Variants in TMEM131L observed in about 807,000 individuals in gnomAD.
TMEM131L encodes transmembrane 131 like, also known as transmembrane protein 131-like.
In TMEM131L, 54 loss-of-function variants were observed where a neutral mutation model predicts 192.2. That is an observed-to-expected ratio of 0.28 (90% confidence interval 0.23 to 0.35). TMEM131L has a LOEUF of 0.35. Ranked by LOEUF, TMEM131L falls within the 10% of genes least tolerant of loss-of-function variation. TMEM131L has a pLI of 1.00. For synonymous variants in TMEM131L, 701 were observed against 704.9 expected (o/e 0.99, Z 0.09); for missense variants, 1,888 against 1,972.9 (o/e 0.96, Z 0.82).
chr4:153,591,661 C>G (rs1371566502), intron 17 of TMEM131L, among the ~76,000 whole-genome samples: 1 of 152,200 alleles, frequency 6.6e-6, no homozygotes, highest in African/African-American at 2.4e-5. Flanking sequence ...GTGCCTCCAG[C>G]AGACTTCCAT....
intron 3 of TMEM131L, among the ~76,000 whole-genome samples, chr4:153,482,625 T>C (rs191716506): frequency 7.5e-4 from 114 of 152,350 alleles, no homozygotes; most frequent in Middle Eastern, 3.4e-3. Context: ...AGGGTTTTGC[T>C]CTGTTGCCCA....
chr4:153,585,558 A>C lies in TMEM131L; in HGVS notation c.1258A>C (p.Ser420Arg), dbSNP rs1730645970. ...SIWYRNHFDR[S>R]VVLNDVFLSK... The stretch of plus-strand genomic sequence containing the variant: ...ATGGTACCGCAACCATTTTGACCGT[A>C]GTGTTGTATTAAATGATGTGTTTCT... Residue 420 changes from serine (S) to arginine (R), a missense_variant, in exon 13 of 35, where the codon AGT (serine) becomes CGT (arginine). By Grantham distance (110) the Ser-to-Arg change is moderately radical. Coordinates refer to ENST00000409959, the MANE Select transcript of TMEM131L (RefSeq NM_001131007.2). 2 of 1,613,918 alleles carry C rather than the reference A, an allele frequency of 1.2e-6. No homozygotes were observed. The highest frequency in any genetic ancestry group is 1.7e-6 in the Non-Finnish European group (2 of 1,179,952).
chr4:153,515,562 G>A (rs113098915), intron 3 of TMEM131L, among the ~76,000 whole-genome samples: 129 of 152,274 alleles, frequency 8.5e-4, no homozygotes, highest in African/African-American at 2.9e-3. Context: ...TTGTGTGGAC[G>A]TATGTTTTCA....
At chr4:153,481,977 G>A (rs1017120266) in intron 3 of TMEM131L, among the ~76,000 whole-genome samples, 1 of 152,168 alleles carries the variant, frequency 6.6e-6, no homozygotes, top group Admixed American at 6.5e-5. Context: ...CTCCTGAGTA[G>A]CTGGGACTAC....
intron 3 of TMEM131L, among the ~76,000 whole-genome samples, chr4:153,508,735 C>T (rs1429119229): frequency 6.7e-6 from 1 of 149,988 alleles, no homozygotes; most frequent in African/African-American, 2.5e-5. Context: ...GCCTCAACCT[C>T]CTGGGATCAA....
chr4:153,583,346 A>G, intron 10 of TMEM131L, 98 bp downstream of exon 10: 3 of 803,486 alleles, frequency 3.7e-6, no homozygotes, highest in Admixed American at 4.0e-5. Flanking sequence ...CAGAAGCACT[A>G]TCTTTATTCT....
At chr4:153,570,383 G>A (rs1729507752) in intron 7 of TMEM131L, among the ~76,000 whole-genome samples, 1 of 152,178 alleles carries the variant, frequency 6.6e-6, no homozygotes, top group Non-Finnish European at 1.5e-5. Context: ...TGGTTGTGGA[G>A]TCTCAGACCT....
chr4:153,504,757 T>C (rs1733873810), intron 3 of TMEM131L, among the ~76,000 whole-genome samples: 1 of 152,242 alleles, frequency 6.6e-6, no homozygotes, highest in Non-Finnish European at 1.5e-5. Context: ...AGAAAGACTT[T>C]TCCCATAAAC....
intron 3 of TMEM131L, among the ~76,000 whole-genome samples, chr4:153,517,658 T>C (rs1341708809): frequency 6.6e-6 from 1 of 152,204 alleles, no homozygotes; most frequent in African/African-American, 2.4e-5. Context: ...CAAGGAAGCT[T>C]GGTTACCAGT....
At chr4:153,599,395 C>T (rs185228993) in intron 21 of TMEM131L, among the ~76,000 whole-genome samples, 58 of 152,098 alleles carry the variant, frequency 3.8e-4, no homozygotes, top group African/African-American at 1.1e-3. Flanking sequence ...TTGGTGAGGA[C>T]GCAGATCCAA....
At position 153,596,327 on chromosome 4, in the gene TMEM131L, G is replaced by C; in HGVS notation, c.2065G>C (p.Val689Leu). 2 of 1,613,998 alleles carry C rather than the reference G, an allele frequency of 1.2e-6. No individual in the cohort carries two copies. Among genetic ancestry groups the C allele is most frequent in the Non-Finnish European group, 1.7e-6 (2 of 1,179,910 alleles). The change falls in exon 20 of 35, where the codon GTT (valine) becomes CTT (leucine). Residue 689 changes from valine to leucine, a missense_variant. Val to Leu is a conservative substitution (Grantham distance 32). Transcript: ENST00000409959. ...LHLQPLEMKRVGVVFTPADYG... is the reference protein window; with the variant it reads ...LHLQPLEMKRLGVVFTPADYG... The stretch of plus-strand genomic sequence containing the variant: ...TCTGCAGCCTTTGGAAATGAAAAGG[G>C]TTGGCGTAGTTTTCACACCTGCTGA...
At chr4:153,483,739 G>T (rs1732108646) in intron 3 of TMEM131L, among the ~76,000 whole-genome samples, 1 of 152,128 alleles carries the variant, frequency 6.6e-6, no homozygotes, top group African/African-American at 2.4e-5. Context: ...AAGAATGAAG[G>T]TATTGCTGTG....
chr4:153,502,652 A>G (rs1005064032), intron 3 of TMEM131L, among the ~76,000 whole-genome samples: 9 of 152,262 alleles, frequency 5.9e-5, no homozygotes, highest in African/African-American at 2.2e-4. Flanking sequence ...ACTTCTGCGT[A>G]TAGAAGAAAA....
At chr4:153,505,819 TAGC>T (rs1479653919) in intron 3 of TMEM131L, among the ~76,000 whole-genome samples, 1 of 152,066 alleles carries the variant, frequency 6.6e-6, no homozygotes, top group Non-Finnish European at 1.5e-5. Flanking sequence ...ACTTGTGAAA[TAGC>T]AGGAAAAGGC....
chr4:153,536,160 C>T (rs983689029), intron 3 of TMEM131L, among the ~76,000 whole-genome samples: 32 of 152,092 alleles, frequency 2.1e-4, no homozygotes, highest in African/African-American at 6.8e-4. Flanking sequence ...GCTGAAAATC[C>T]AGGAGCAAGA....
chr4:153,496,730 T>A (rs1391341661), intron 3 of TMEM131L, among the ~76,000 whole-genome samples: 3 of 151,984 alleles, frequency 2.0e-5, no homozygotes, highest in Admixed American at 2.0e-4. Flanking sequence ...TTTATTTTTT[T>A]TGTAGACATG....
At chr4:153,622,763 C>G in intron 28 of TMEM131L, 135 bp from the exon 29 acceptor site, 2 of 811,396 alleles carry the variant, frequency 2.5e-6, no homozygotes, top group Non-Finnish European at 4.1e-6. Context: ...ATGAACTCCT[C>G]CTTTCTTGCT....
chr4:153,476,731 C>G (rs1341216897), intron 3 of TMEM131L, among the ~76,000 whole-genome samples: 1 of 152,000 alleles, frequency 6.6e-6, no homozygotes, highest in South Asian at 2.1e-4. Flanking sequence ...CCAAAAATTC[C>G]TTGGGTGACG....
chr4:153,491,981 G>A (rs544185838), intron 3 of TMEM131L, among the ~76,000 whole-genome samples: 5 of 152,078 alleles, frequency 3.3e-5, no homozygotes, highest in Non-Finnish European at 7.4e-5. Flanking sequence ...ATTGTAGGCA[G>A]GAGCCACCAC....
Sources: gnomAD v4.1 joint callset for allele counts (sites outside exome capture counted in the v4.1 genomes callset) on GRCh38, gnomAD v4.1.1 for gene constraint, MANE v1.5 for transcripts, NCBI Gene and HGNC (gene_info 2026-07-23, HGNC 2026-07-21) for gene names.